The following RGS7BP variants were observed in gnomAD, a reference collection of about 807,000 sequenced individuals.
RGS7BP encodes regulator of G protein signaling 7-binding protein.
Under a neutral mutation model 31.3 loss-of-function variants are expected in RGS7BP, and 9 were observed. That is an observed-to-expected ratio of 0.29 (90% CI 0.17 to 0.50). The LOEUF is 0.50. Ranked by LOEUF, RGS7BP falls within the 20% of genes least tolerant of loss-of-function variation. The pLI, the probability that RGS7BP is intolerant of heterozygous loss-of-function variation, is 0.98. For synonymous variants in RGS7BP, 115 were observed against 120.1 expected, an observed-to-expected ratio of 0.96 and a Z score of 0.28; for missense variants, 274 against 322.0, an observed-to-expected ratio of 0.85 and a Z score of 1.14.
chr5:64,566,140 T>G (rs1742163669), intron 2 of RGS7BP, among the ~76,000 whole-genome samples: 1 of 152,062 alleles, frequency 6.6e-6, no homozygotes, highest in Non-Finnish European at 1.5e-5. Context: ...CTCTGGCACA[T>G]AGTAGAAGCT....
At chr5:64,560,883 G>C (rs915809565) in intron 2 of RGS7BP, among the ~76,000 whole-genome samples, 5 of 152,140 alleles carry the variant, frequency 3.3e-5, no homozygotes, top group African/African-American at 4.8e-5. Context: ...GGGAAAAAGA[G>C]AGAATAATGA....
At chr5:64,594,659 C>T in intron 3 of RGS7BP, 51 bp from the exon 4 acceptor site, 3 of 1,598,100 alleles carry the variant, frequency 1.9e-6, no homozygotes, top group Non-Finnish European at 2.6e-6. Flanking sequence ...TAGAACCTGC[C>T]TTTATGATTT....
intron 2 of RGS7BP, among the ~76,000 whole-genome samples, chr5:64,565,475 G>T (rs1417649262): frequency 6.6e-6 from 1 of 151,820 alleles, no homozygotes; most frequent in African/African-American, 2.4e-5. Context: ...CTGCATAAAA[G>T]TTCTGTTTAT....
chr5:64,556,981 A>G (rs1415710303), intron 2 of RGS7BP, among the ~76,000 whole-genome samples: 3 of 152,188 alleles, frequency 2.0e-5, no homozygotes, highest in Non-Finnish European at 4.4e-5. Context: ...GAATTAGTGC[A>G]CATCACTTGG....
At chr5:64,560,289 T>C (rs1742021959) in intron 2 of RGS7BP, among the ~76,000 whole-genome samples, 1 of 152,032 alleles carries the variant, frequency 6.6e-6, no homozygotes, top group Admixed American at 6.6e-5. Context: ...TTAACACAAA[T>C]CAAATGATCA....
chr5:64,599,804 A>G (rs1201081704), intron 5 of RGS7BP, among the ~76,000 whole-genome samples: 1 of 152,194 alleles, frequency 6.6e-6, no homozygotes, highest in African/African-American at 2.4e-5. Context: ...CCAGCTTTGC[A>G]CCCTGGAACA....
At chr5:64,507,325 A>G (rs1193467537) in intron 1 of RGS7BP, among the ~76,000 whole-genome samples, 1 of 152,136 alleles carries the variant, frequency 6.6e-6, no homozygotes, top group Non-Finnish European at 1.5e-5. Context: ...CCGCCGTGCA[A>G]CTTAAAAGCC....
At chr5:64,579,579 G>C (rs373203182) in intron 3 of RGS7BP, among the ~76,000 whole-genome samples, 4 of 115,906 alleles carry the variant, frequency 3.5e-5, no homozygotes, top group African/African-American at 6.4e-5. Context: ...GGAAAGAAAA[G>C]AAAAGAAATA....
At position 64,579,273 on chromosome 5, in the gene RGS7BP, C is replaced by T. The variant is rs1341433443; in HGVS notation, c.463+3369C>T. On this transcript the variant is annotated intron_variant, in intron 3 of 5. Coordinates refer to ENST00000334025, the MANE Select transcript of RGS7BP (RefSeq NM_001029875.3). ...TGAGAAATATATTGAAGGCTGGGCA[C>T]GATGGCTCATGTATGTAATCCCAGC... Among the ~76,000 whole-genome samples, 5 of 151,884 alleles carry T rather than the reference C, an allele frequency of 3.3e-5. No homozygotes were observed. The East Asian group carries it at 5.8e-4, about 18-fold the overall frequency.
At chr5:64,583,167 C>T (rs1022254719) in intron 3 of RGS7BP, among the ~76,000 whole-genome samples, 4 of 152,136 alleles carry the variant, frequency 2.6e-5, no homozygotes, top group South Asian at 2.1e-4. Flanking sequence ...GCAGGCAGAT[C>T]GCTTGAGGTC....
intron 2 of RGS7BP, among the ~76,000 whole-genome samples, chr5:64,518,019 A>G (rs1749018086): frequency 6.6e-6 from 1 of 152,220 alleles, no homozygotes; most frequent in African/African-American, 2.4e-5. Context: ...AGAAAATGCA[A>G]GGAAGCAGGA....
intron 2 of RGS7BP, among the ~76,000 whole-genome samples, chr5:64,544,779 A>C (rs1459004527): frequency 6.6e-6 from 1 of 152,234 alleles, no homozygotes; most frequent in Non-Finnish European, 1.5e-5. Context: ...TCTGGGATGC[A>C]ATAAATCATG....
intron 3 of RGS7BP, among the ~76,000 whole-genome samples, chr5:64,593,719 T>G (rs1742983293): frequency 6.6e-6 from 1 of 152,122 alleles, no homozygotes; most frequent in African/African-American, 2.4e-5. Context: ...CCTCCATATC[T>G]CTAGCATGAA....
In RGS7BP at chr5:64,538,912, A is replaced by G. The variant is rs1741454464; in HGVS notation, c.332+31035A>G. Among the ~76,000 whole-genome samples, 6 of 152,180 alleles carry G rather than the reference A, an allele frequency of 3.9e-5. No homozygotes were observed. The South Asian group carries it at 1.0e-3, about 26-fold the overall frequency. On this transcript the variant is annotated intron_variant, in intron 2 of 5. Transcript: ENST00000334025. The stretch of plus-strand genomic sequence containing the variant: ...GAGATTCCACTCGATTCTACTTGAG[A>G]TTCATCCACATTGTTGAATGCACAT...
rs373375396 is a variant in RGS7BP, at chr5:64,598,423, T to C, written c.670T>C (p.Leu224=). 5.0e-6 allele frequency: 8 copies of C among 1,602,346 alleles called. No homozygotes were observed. The highest frequency in any genetic ancestry group is 4.5e-5 in the East Asian group (2 of 44,834). The part of the protein sequence containing the change: ...SKLRETMPLP[L]KNQDDSSLLN... The stretch of plus-strand genomic sequence containing the variant: ...ACTCAGGGAAACTATGCCTTTACCA[T>C]TGAAAAATCAAGGTGAGTCTTGTCA... Residue 224 remains leucine, a synonymous_variant, in exon 5 of 6, where the codon TTG becomes CTG. Coordinates refer to ENST00000334025, the MANE Select transcript of RGS7BP (RefSeq NM_001029875.3).
At chr5:64,590,805 G>T (rs1397311555) in intron 3 of RGS7BP, among the ~76,000 whole-genome samples, 2 of 152,014 alleles carry the variant, frequency 1.3e-5, no homozygotes, top group Admixed American at 1.3e-4. Context: ...AAATAAAACA[G>T]TATATCCAGA....
intron 5 of RGS7BP, among the ~76,000 whole-genome samples, chr5:64,600,805 T>A (rs879497095): frequency 9.2e-5 from 14 of 152,230 alleles, no homozygotes; most frequent in Non-Finnish European, 1.6e-4. Flanking sequence ...GTGTTTAACA[T>A]GACCTCACAG....
At chr5:64,568,736 T>TG (rs1742229408) in intron 2 of RGS7BP, among the ~76,000 whole-genome samples, 1 of 151,694 alleles carries the variant, frequency 6.6e-6, no homozygotes, top group Non-Finnish European at 1.5e-5. Flanking sequence ...GTATTTTTAG[T>TG]CTTATTTCAT....
chr5:64,511,250 C>T (rs1013162942), intron 2 of RGS7BP, among the ~76,000 whole-genome samples: 4 of 152,228 alleles, frequency 2.6e-5, no homozygotes, highest in African/African-American at 4.8e-5. Context: ...ACAATCAACA[C>T]GCTTTCTCAA....
Sources: allele counts gnomAD v4.1 joint callset (sites outside exome capture counted in the v4.1 genomes callset), GRCh38; gene constraint gnomAD v4.1.1; transcripts MANE v1.5; gene names NCBI Gene and HGNC (gene_info 2026-07-23, HGNC 2026-07-21).